The following OXNAD1 variants were observed in gnomAD, a reference collection of about 807,000 sequenced individuals.
The protein encoded by OXNAD1 is oxidoreductase NAD-binding domain-containing protein 1.
OXNAD1 carries 34 observed loss-of-function variants against 32.9 expected under a neutral mutation model. The ratio of observed to expected loss-of-function variants is 1.03; its 90% CI spans 0.79 to 1.38. The LOEUF is 1.38. Ranked by LOEUF, OXNAD1 falls within the 40% of genes most tolerant of loss-of-function variation. OXNAD1 has a pLI of 0.00. For missense variants in OXNAD1, 407 were observed against 379.4 expected (o/e 1.07, Z -0.60); for synonymous variants, 134 against 135.2 (o/e 0.99, Z 0.06).
In OXNAD1 at chr3:16,301,266, C is replaced by T. The variant is rs1196741741; in HGVS notation, c.433-360C>T. On this transcript the variant is annotated intron_variant, in intron 6 of 8. Coordinates refer to ENST00000285083, the MANE Select transcript of OXNAD1 (RefSeq NM_138381.5). The surrounding 1 kb of genome is among the most constrained non-coding windows in gnomAD (Gnocchi z 4.1). ...CAGCTTTGGTTAGAACACAGGAACA[C>T]AACTCAGATAAAGGAGACCCATACT... Among the ~76,000 whole-genome samples, 1 of 152,234 alleles carries T rather than the reference C, an allele frequency of 6.6e-6. No homozygotes were observed. The highest frequency in any genetic ancestry group is 2.4e-5 in the African/African-American group (1 of 41,476).
chr3:16,351,656 C>T (rs192125432), downstream of OXNAD1, among the ~76,000 whole-genome samples: 4 of 152,192 alleles, frequency 2.6e-5, no homozygotes, highest in African/African-American at 9.7e-5. The surrounding 1 kb of genome is among the most constrained non-coding windows in gnomAD (Gnocchi z 5.4). Context: ...TCTGACCTCA[C>T]CAACTGAGCA....
At chr3:16,269,755 C>T (rs2064796177) in intron 2 of OXNAD1, among the ~76,000 whole-genome samples, 1 of 152,152 alleles carries the variant, frequency 6.6e-6, no homozygotes, top group Non-Finnish European at 1.5e-5. Context: ...AAACACTTAG[C>T]TTGAATATTT....
chr3:16,304,351 T>G lies in OXNAD1; in HGVS notation c.*789T>G, dbSNP rs1042226076. The G allele has an allele frequency of 8.5e-5, 13 of 152,256 alleles. No individual in the cohort carries two copies. The highest frequency in any genetic ancestry group is 3.1e-4 in the African/African-American group (13 of 41,464). The allele number at this position is 152,256 out of a possible 1,614,324, so 9.4% of individuals were successfully genotyped here. A position where few individuals can be genotyped will look rare whatever the true frequency, so the allele number is the denominator to read the frequency against. On this transcript the variant is annotated 3_prime_UTR_variant, in exon 9 of 9. Transcript: ENST00000285083. This position sits in a 1 kb window ranked among gnomAD's most constrained non-coding sequence, Gnocchi z 4.6. ...CTATGGAAATGTGCTTAGCATTGAT[T>G]AGGGGGTAGAGAGCTGTTTCTAAAT...
At chr3:16,294,756 A>G in intron 5 of OXNAD1, 100 bp from the exon 6 acceptor site, 10 of 1,141,016 alleles carry the variant, frequency 8.8e-6, no homozygotes, top group Non-Finnish European at 1.1e-5. Context: ...TGATTTTAGT[A>G]ATTTTTTTTC....
rs2068870648 is a variant in OXNAD1 at position 16,320,060 on chromosome 3, AAAAAAG to A, written c.*30+16472_*30+16477del. On this transcript the variant is annotated intron_variant, in intron 9 of 9. Transcript: ENST00000435829. This position sits in a 1 kb window ranked among gnomAD's most constrained non-coding sequence, Gnocchi z 4.5. ...AATTCAGAAATAACTGTCTAAAAGA[AAAAAAG>A]AAATCCTTCACTTTACAGCAGTGTG... is the stretch of plus-strand genomic sequence containing the variant. Among the ~76,000 whole-genome samples the A allele has an allele frequency of 6.6e-6, 1 of 152,252 alleles. No individual in the cohort carries two copies. Among genetic ancestry groups the A allele is most frequent in the South Asian group, 2.1e-4 (1 of 4,826 alleles).
rs2066285049 is a variant in OXNAD1 at position 16,289,478 on chromosome 3, A to G, written c.290+3030A>G. ...AGATAACATAAGTTTAGATGCTAGA[A>G]AGCAACTTTGAGCCCTGCTGAGAGA... On this transcript the variant is annotated intron_variant, in intron 5 of 8. Coordinates refer to ENST00000285083, the MANE Select transcript of OXNAD1 (RefSeq NM_138381.5). This position sits in a 1 kb window ranked among gnomAD's most constrained non-coding sequence, Gnocchi z 4.9. Among the ~76,000 whole-genome samples, 1 of 152,206 alleles carries G rather than the reference A, an allele frequency of 6.6e-6. No homozygotes were observed. The highest frequency in any genetic ancestry group is 1.5e-5 in the Non-Finnish European group (1 of 68,028).
chr3:16,311,619 A>G (rs1482461150), intron 9 of OXNAD1, among the ~76,000 whole-genome samples: 1 of 152,134 alleles, frequency 6.6e-6, no homozygotes, highest in African/African-American at 2.4e-5. Flanking sequence ...TACCTCCCTC[A>G]TTCCCCAATC....
downstream of OXNAD1, among the ~76,000 whole-genome samples, chr3:16,306,396 T>C (rs774804593): frequency 6.6e-6 from 1 of 152,180 alleles, no homozygotes; most frequent in Non-Finnish European, 1.5e-5. Flanking sequence ...TCAGTATATA[T>C]TTCTAACAGA....
chr3:16,332,346 T>TG (rs35029497), intron 9 of OXNAD1, among the ~76,000 whole-genome samples: 104,002 of 151,582 alleles, frequency 0.69, 35,851 homozygotes, highest in Middle Eastern at 0.72. Context: ...TCTTCCAACT[T>TG]TTATGTTTTT....
rs564555617 is a variant in OXNAD1, at chr3:16,327,300, G to A, written c.*31-9812G>A. Among the ~76,000 whole-genome samples, 2 of 152,262 alleles carry A rather than the reference G, an allele frequency of 1.3e-5. No homozygotes were observed. Among genetic ancestry groups the A allele is most frequent in the South Asian group, 2.1e-4 (1 of 4,822 alleles). ...CTTACATTTGACAAATGATCAAGTC[G>A]TTTATGTCCAGCCACAGCAACACAC... is the stretch of plus-strand genomic sequence containing the variant. On this transcript the variant is annotated intron_variant, in intron 9 of 9. Transcript: ENST00000435829. This position sits in a 1 kb window ranked among gnomAD's most constrained non-coding sequence, Gnocchi z 4.2.
At chr3:16,307,949 G>A (rs2067684777), downstream of OXNAD1, among the ~76,000 whole-genome samples, 1 of 152,138 alleles carries the variant, frequency 6.6e-6, no homozygotes, top group Non-Finnish European at 1.5e-5. Context: ...CAGCCTGATT[G>A]TATGAAAAAC....
intron 9 of OXNAD1, among the ~76,000 whole-genome samples, chr3:16,311,198 T>A (rs1375196395): frequency 3.1e-5 from 1 of 32,286 alleles, no homozygotes; most frequent in Non-Finnish European, 5.2e-5. Context: ...ATTATATATT[T>A]TATATATTTT....
intron 4 of OXNAD1, among the ~76,000 whole-genome samples, chr3:16,283,697 C>T (rs1307934583): frequency 6.6e-6 from 1 of 151,942 alleles, no homozygotes; most frequent in Non-Finnish European, 1.5e-5. Context: ...AGGGCCTCAA[C>T]CTGGAGTGGT....
At chr3:16,318,077 G>A (rs2068623716) in intron 9 of OXNAD1, among the ~76,000 whole-genome samples, 1 of 152,186 alleles carries the variant, frequency 6.6e-6, no homozygotes, top group African/African-American at 2.4e-5. Flanking sequence ...AGGGAAGTCA[G>A]GGGCTCAGAG....
At chr3:16,270,819 G>GA (rs2064871425) in intron 2 of OXNAD1, 126 bp from the exon 3 acceptor site, 3 of 1,376,802 alleles carry the variant, frequency 2.2e-6, no homozygotes, top group Non-Finnish European at 2.9e-6. Flanking sequence ...GGCTGCTTTG[G>GA]TGGTAACTTG....
intron 9 of OXNAD1, among the ~76,000 whole-genome samples, chr3:16,332,981 G>A (rs760386598): frequency 1.3e-5 from 2 of 152,104 alleles, no homozygotes; most frequent in African/African-American, 2.4e-5. Context: ...GCATCTGGTC[G>A]CAACAGTTTT....
chr3:16,271,500 G>T lies in OXNAD1; in HGVS notation c.120-159G>T, dbSNP rs1012200145. 2.0e-5 allele frequency among the ~76,000 whole-genome samples: 3 copies of T among 152,240 alleles called. No homozygotes were observed. Among genetic ancestry groups the T allele is most frequent in the Non-Finnish European group, 4.4e-5 (3 of 68,028 alleles). Reference sequence around the variant, plus strand: ...ATTACAGGCATGAGCCACCATGCCCGGCCAAAACTTTAGTTAGACGGGCAG... The same window carrying T: ...ATTACAGGCATGAGCCACCATGCCCTGCCAAAACTTTAGTTAGACGGGCAG... On this transcript the variant is annotated intron_variant, in intron 3 of 8. Coordinates refer to ENST00000285083, the MANE Select transcript of OXNAD1 (RefSeq NM_138381.5). The surrounding 1 kb of genome is among the most constrained non-coding windows in gnomAD (Gnocchi z 4.6).
In OXNAD1 at chr3:16,321,877, T is replaced by G. The variant is rs1251678080; in HGVS notation, c.*31-15235T>G. Reference sequence around the variant, plus strand: ...TCTAAAGTCTCCCTGCCGACTCAAGTTTCCACTGACTTGTCCCCCTGCATG... The same window carrying G: ...TCTAAAGTCTCCCTGCCGACTCAAGGTTCCACTGACTTGTCCCCCTGCATG... On this transcript the variant is annotated intron_variant, in intron 9 of 9. Transcript: ENST00000435829. The surrounding 1 kb of genome is among the most constrained non-coding windows in gnomAD (Gnocchi z 4.8). Among the ~76,000 whole-genome samples, 2 of 152,122 alleles carry G rather than the reference T, an allele frequency of 1.3e-5. No individual in the cohort carries two copies. The highest frequency in any genetic ancestry group is 2.9e-5 in the Non-Finnish European group (2 of 68,020).
intron 6 of OXNAD1, among the ~76,000 whole-genome samples, chr3:16,296,116 TCA>T (rs1212600805): frequency 6.6e-6 from 1 of 152,162 alleles, no homozygotes; most frequent in Non-Finnish European, 1.5e-5. Context: ...GCAGCAAGGT[TCA>T]GTTAGGAGAG....
Sources: gnomAD v4.1 joint callset for allele counts (sites outside exome capture counted in the v4.1 genomes callset) on GRCh38, gnomAD v4.1.1 for gene constraint, Gnocchi (gnomAD v3.1) non-coding constraint, MANE v1.5 for transcripts, NCBI Gene and HGNC (gene_info 2026-07-23, HGNC 2026-07-21) for gene names.